The following CENPK variants were observed in gnomAD, a reference collection of about 807,000 sequenced individuals.
CENPK encodes the protein SoxLZ/Sox6-binding protein Solt.
Under a neutral mutation model 40.9 loss-of-function variants are expected in CENPK, and 46 were observed. The ratio of observed to expected loss-of-function variants is 1.13; its 90% CI spans 0.89 to 1.44. The LOEUF (loss-of-function observed/expected upper bound fraction) is 1.44, where lower values mean the gene tolerates loss of function less well. Among genes scored for constraint, CENPK ranks in the 40% most tolerant of loss-of-function variants. The pLI is 0.00. For missense variants in CENPK, 288 were observed against 303.5 expected (o/e 0.95, Z 0.38); for synonymous variants, 107 against 104.4 (o/e 1.02, Z -0.15).
intron 10 of CENPK, among the ~76,000 whole-genome samples, chr5:65,520,190 T>G (rs1226634817): frequency 6.6e-6 from 1 of 152,170 alleles, no homozygotes; most frequent in Non-Finnish European, 1.5e-5. Context: ...ATCCGGCTGC[T>G]TAAAAGTGTG....
chr5:65,543,706 TAACA>T (rs1260122529), intron 5 of CENPK, among the ~76,000 whole-genome samples: 1 of 152,184 alleles, frequency 6.6e-6, no homozygotes, highest in Non-Finnish European at 1.5e-5. Flanking sequence ...TTTCTAGTCA[TAACA>T]AACAAGGATG....
Position 65,529,139 on chromosome 5 carries a change from T to C in CENPK, c.349A>G (p.Lys117Glu). 1.2e-6 allele frequency: 2 copies of C among 1,610,460 alleles called. No individual in the cohort carries two copies. Among genetic ancestry groups the C allele is most frequent in the Non-Finnish European group, 1.7e-6 (2 of 1,177,390 alleles). Residue 117 changes from lysine (K) to glutamate (E), a missense_variant, in exon 7 of 11, where the codon AAG becomes GAG. Physicochemically the swap from Lys to Glu is moderately conservative, Grantham distance 56. Transcript: ENST00000396679. ...AACCTTTCTAAGTCTTCCTTTAACT[T>C]TTCATTCTTTGACTCCTTAGTGGAC... ...VLSTKESKNE[K>E]LKEDLEREQR...
the CENPK span, among the ~76,000 whole-genome samples, chr5:65,509,040 CA>C: frequency 1.3e-5 from 2 of 151,996 alleles, no homozygotes; most frequent in South Asian, 2.1e-4. Flanking sequence ...ATTCAGAATA[CA>C]AAAAAACTCT....
chr5:65,498,555 A>G, the CENPK span, among the ~76,000 whole-genome samples: 4 of 151,988 alleles, frequency 2.6e-5, no homozygotes, highest in Admixed American at 2.6e-4. Flanking sequence ...ATTCAAGAAG[A>G]AAACTATTGT....
chr5:65,527,498 CATAT>C (rs70983674), intron 9 of CENPK, among the ~76,000 whole-genome samples: 114 of 91,410 alleles, frequency 1.2e-3, no homozygotes, highest in African/African-American at 1.8e-3. Context: ...TTATTAACAC[CATAT>C]ATATATATAT....
chr5:65,558,138 C>G (rs758480315), intron 2 of CENPK, among the ~76,000 whole-genome samples: 5 of 151,818 alleles, frequency 3.3e-5, no homozygotes, highest in Non-Finnish European at 7.4e-5. Flanking sequence ...ACAAACAAAA[C>G]AAACAAAAAG....
intron 10 of CENPK, among the ~76,000 whole-genome samples, chr5:65,519,303 G>C (rs879783516): frequency 1.3e-5 from 2 of 152,176 alleles, no homozygotes; most frequent in Non-Finnish European, 2.9e-5. Context: ...AATGTGGATT[G>C]AGAATCAGCT....
Position 65,554,785 on chromosome 5 carries a change from T to G in CENPK, c.111+12A>C, listed in dbSNP as rs1750711664. ...CTTATATTAACTATCACTTCTATCT[T>G]TTGAAACTTACTTCTTCCATATCTT... On this transcript the variant is annotated intron_variant, in intron 3 of 10. Transcript: ENST00000396679. 7.5e-7 allele frequency: 1 copy of G among 1,337,026 alleles called. No homozygotes were observed. The highest frequency in any genetic ancestry group is 1.7e-5 in the Admixed American group (1 of 58,132). The allele number at this position is 1,337,026 out of a possible 1,614,324, so 82.8% of individuals were successfully genotyped here.
chr5:65,558,932 G>C (rs541633736), intron 2 of CENPK, among the ~76,000 whole-genome samples: 1 of 152,322 alleles, frequency 6.6e-6, no homozygotes, highest in East Asian at 1.9e-4. Context: ...AATCTTCAAG[G>C]AATGAGGGTG....
the CENPK span, among the ~76,000 whole-genome samples, chr5:65,510,787 AAAG>A: frequency 9.3e-4 from 141 of 151,840 alleles, no homozygotes; most frequent in East Asian, 0.024. Flanking sequence ...AAAAAAAAAA[AAAG>A]AAAGAAAGAA....
At position 65,526,358 on chromosome 5, in the gene CENPK, T is replaced by TA. The variant is rs571515018; in HGVS notation, c.597+2093dup. Among the ~76,000 whole-genome samples the TA allele has an allele frequency of 7.3e-4, 111 of 151,582 alleles. 2 individuals carry two copies. In the South Asian group the frequency reaches 0.023, roughly 31 times the overall value. On this transcript the variant is annotated intron_variant, in intron 9 of 10. Transcript: ENST00000396679. ...CATACTTTTACAAATAAATAAGAGG[T>TA]AAAAAACAATAATAGAATGGAAGAC...
chr5:65,559,343 GGAA>G (rs766566978), intron 2 of CENPK, among the ~76,000 whole-genome samples: 36 of 152,252 alleles, frequency 2.4e-4, no homozygotes, highest in Non-Finnish European at 4.3e-4. Context: ...AAATTTACAT[GGAA>G]GGGCCGGGCG....
intron 5 of CENPK, among the ~76,000 whole-genome samples, chr5:65,544,662 A>G (rs912003341): frequency 1.3e-5 from 2 of 152,196 alleles, no homozygotes; most frequent in African/African-American, 4.8e-5. Context: ...GGATAAGCAA[A>G]CTGTGGTATA....
chr5:65,542,989 A>G (rs1748244249), intron 5 of CENPK, 141 bp from the exon 6 acceptor site: 1 of 650,100 alleles, frequency 1.5e-6, no homozygotes, highest in Non-Finnish European at 2.5e-6. Context: ...TCCAAGGCAG[A>G]GTTTCCCTCT....
chr5:65,554,912 A>G lies in CENPK; in HGVS notation c.-5T>C. ...ATCTAGATCCTCCTGATTCATTGAT[A>G]TATGCTTTGTGAATTTTTAGCCTTA... On this transcript the variant is annotated 5_prime_UTR_variant, in exon 3 of 11. Transcript: ENST00000396679. The G allele has an allele frequency of 6.6e-6, 10 of 1,506,910 alleles. No individual in the cohort carries two copies. Among genetic ancestry groups the G allele is most frequent in the Non-Finnish European group, 7.3e-6 (8 of 1,088,540 alleles). 93.3% of individuals were successfully genotyped at this position (1,506,910 alleles called of 1,614,324 possible).
chr5:65,551,640 C>A lies in CENPK; in HGVS notation c.169-4G>T, dbSNP rs2150513518. 1.3e-6 allele frequency: 2 copies of A among 1,526,878 alleles called. No individual in the cohort carries two copies. Among genetic ancestry groups the A allele is most frequent in the Non-Finnish European group, 1.8e-6 (2 of 1,118,636 alleles). 94.6% of individuals were successfully genotyped at this position (1,526,878 alleles called of 1,614,324 possible). On this transcript the variant is annotated splice_polypyrimidine_tract_variant and splice_region_variant and intron_variant, in intron 4 of 10. Coordinates refer to ENST00000396679, the MANE Select transcript of CENPK (RefSeq NM_022145.5). ...CTTGCATAATTAACAATGATAGCTA[C>A]AAAAGAAGAAAACAAAGTCATTTTC...
chr5:65,526,555 A>G (rs1744744720), intron 9 of CENPK, among the ~76,000 whole-genome samples: 1 of 152,234 alleles, frequency 6.6e-6, no homozygotes, highest in Non-Finnish European at 1.5e-5. Flanking sequence ...TATGCAAGAT[A>G]GAAGAGATAC....
chr5:65,508,438 A>C, the CENPK span, among the ~76,000 whole-genome samples: 1 of 152,186 alleles, frequency 6.6e-6, no homozygotes, highest in African/African-American at 2.4e-5. Flanking sequence ...TCTCCTTATA[A>C]CATATCCGAT....
At chr5:65,536,704 ATTTT>A (rs148040826) in intron 6 of CENPK, among the ~76,000 whole-genome samples, 5,347 of 152,040 alleles carry the variant, frequency 0.035, 141 homozygotes, top group Non-Finnish European at 0.059. Flanking sequence ...TGTATTATTT[ATTTT>A]ATTATTTCTT....
Sources: allele counts gnomAD v4.1 joint callset (sites outside exome capture counted in the v4.1 genomes callset), GRCh38; gene constraint gnomAD v4.1.1; transcripts MANE v1.5; gene names NCBI Gene and HGNC (gene_info 2026-07-23, HGNC 2026-07-21).